The following MDGA2 variants were observed in gnomAD, a reference collection of about 807,000 sequenced individuals.
MDGA2 encodes the protein MAM domain-containing glycosylphosphatidylinositol anchor protein 2.
In MDGA2, 40 loss-of-function variants were observed where a neutral mutation model predicts 117.8. That is an observed-to-expected ratio of 0.34 (90% confidence interval 0.26 to 0.44). The LOEUF (loss-of-function observed/expected upper bound fraction) is 0.44, where lower values mean the gene tolerates loss of function less well. Ranked by LOEUF, MDGA2 falls within the 20% of genes least tolerant of loss-of-function variation. The pLI, the probability that MDGA2 is intolerant of heterozygous loss-of-function variation, is 1.00. For missense variants in MDGA2, 1,123 were observed against 1,250.6 expected, an observed-to-expected ratio of 0.90 and a Z score of 1.54; for synonymous variants, 452 against 439.0, an observed-to-expected ratio of 1.03 and a Z score of -0.37.
intron 1 of MDGA2, among the ~76,000 whole-genome samples, chr14:47,594,731 C>A (rs1294594240): frequency 1.3e-5 from 2 of 152,218 alleles, no homozygotes; most frequent in Non-Finnish European, 2.9e-5. Flanking sequence ...CTAGTTCCCA[C>A]TGCGAGGTGC....
chr14:46,999,070 C>A (rs1010254620), intron 8 of MDGA2, among the ~76,000 whole-genome samples: 6 of 151,982 alleles, frequency 3.9e-5, no homozygotes, highest in Non-Finnish European at 7.4e-5. Context: ...CTCTGGCATA[C>A]ACTGGCTATT....
At chr14:47,083,535 G>C (rs1297293624) in intron 6 of MDGA2, among the ~76,000 whole-genome samples, 1 of 151,842 alleles carries the variant, frequency 6.6e-6, no homozygotes, top group African/African-American at 2.4e-5. Context: ...ACAGAAATAA[G>C]AAACAGAGAA....
At chr14:46,873,716 T>C in intron 13 of MDGA2, 125 bp from the exon 14 acceptor site, 1 of 871,726 alleles carries the variant, frequency 1.1e-6, no homozygotes, top group Non-Finnish European at 1.7e-6. Flanking sequence ...GCATCTCATT[T>C]ATAAAATCTC....
At chr14:47,268,724 G>A (rs778534378) in intron 2 of MDGA2, among the ~76,000 whole-genome samples, 11 of 152,108 alleles carry the variant, frequency 7.2e-5, no homozygotes, top group Non-Finnish European at 1.3e-4. Context: ...GCACAGTTAT[G>A]TCTACCCTGT....
intron 1 of MDGA2, among the ~76,000 whole-genome samples, chr14:47,540,491 CGTGT>C (rs1231981211): frequency 4.3e-4 from 60 of 140,354 alleles, no homozygotes; most frequent in African/African-American, 8.6e-4. Flanking sequence ...TGTGTGTATA[CGTGT>C]GTGTGTTTGT....
intron 1 of MDGA2, among the ~76,000 whole-genome samples, chr14:47,584,217 A>C (rs1896279671): frequency 6.6e-6 from 1 of 151,872 alleles, no homozygotes; most frequent in South Asian, 2.1e-4. Context: ...TTATCTGCAC[A>C]TTGTGCTAGG....
At chr14:47,113,146 C>T (rs1343376284) in intron 5 of MDGA2, among the ~76,000 whole-genome samples, 3 of 151,946 alleles carry the variant, frequency 2.0e-5, no homozygotes. Flanking sequence ...TCCACTGACT[C>T]CACAGAAATA....
chr14:47,038,364 A>G (rs1185479950), intron 7 of MDGA2, among the ~76,000 whole-genome samples: 2 of 152,226 alleles, frequency 1.3e-5, no homozygotes, highest in Non-Finnish European at 2.9e-5. Flanking sequence ...CTAACTTAAT[A>G]AAATGGATAT....
At chr14:46,966,310 A>G (rs1466341989) in intron 8 of MDGA2, among the ~76,000 whole-genome samples, 1 of 152,194 alleles carries the variant, frequency 6.6e-6, no homozygotes, top group Non-Finnish European at 1.5e-5. Context: ...AAAACAGCCT[A>G]TGTCACATTA....
At chr14:47,056,460 A>G (rs1889678844) in intron 7 of MDGA2, among the ~76,000 whole-genome samples, 1 of 152,156 alleles carries the variant, frequency 6.6e-6, no homozygotes, top group African/African-American at 2.4e-5. Context: ...ATTTGGATCC[A>G]CTTTCTGCCT....
At chr14:47,133,732 C>T (rs1209982024) in intron 4 of MDGA2, among the ~76,000 whole-genome samples, 1 of 151,952 alleles carries the variant, frequency 6.6e-6, no homozygotes, top group Non-Finnish European at 1.5e-5. Flanking sequence ...AAACCTACTC[C>T]TCCTTCTGTA....
At chr14:47,080,016 C>T (rs564346040) in intron 6 of MDGA2, among the ~76,000 whole-genome samples, 1 of 152,274 alleles carries the variant, frequency 6.6e-6, no homozygotes, top group South Asian at 2.1e-4. Context: ...CAGGCGTGAG[C>T]CACCGTGCCC....
rs989508435 is a variant in MDGA2 at position 47,174,723 on chromosome 14, A to G, written c.596-30449T>C. On this transcript the variant is annotated intron_variant, in intron 3 of 16. Coordinates refer to ENST00000399232, the MANE Select transcript of MDGA2 (RefSeq NM_001113498.3). ...AAAGATACAAAATTGACACCCTAAC[A>G]TCACAATTAAAAGAGCCAGAAAAGC... 3.9e-5 allele frequency among the ~76,000 whole-genome samples: 6 copies of G among 152,188 alleles called. No homozygotes were observed. The East Asian group carries it at 5.8e-4, about 15-fold the overall frequency.
intron 1 of MDGA2, among the ~76,000 whole-genome samples, chr14:47,671,698 C>T (rs574596256): frequency 1.3e-5 from 2 of 152,260 alleles, no homozygotes; most frequent in East Asian, 3.9e-4. Flanking sequence ...CCTGTCTAGG[C>T]TGTTGAAGTT....
At chr14:47,197,090 CCT>C (rs1200309226) in intron 3 of MDGA2, among the ~76,000 whole-genome samples, 1 of 152,098 alleles carries the variant, frequency 6.6e-6, no homozygotes, top group East Asian at 1.9e-4. Flanking sequence ...AGGTTGATTC[CCT>C]GTCTTTGATA....
At chr14:47,444,307 GCAGCTCTTTTCCCAGCTGTGTAAT>G (rs1207491084) in intron 1 of MDGA2, 2 of 157,648 alleles carry the variant, frequency 1.3e-5, no homozygotes, top group East Asian at 3.6e-4. Context: ...TGAGGGATTC[GCAGCTCTTTTCCCAGCTGTGTAAT>G]CATCAATGAT....
intron 5 of MDGA2, among the ~76,000 whole-genome samples, chr14:47,109,931 C>T (rs1406055160): frequency 1.3e-5 from 2 of 151,870 alleles, no homozygotes; most frequent in African/African-American, 4.8e-5. Flanking sequence ...AGGGAGACAG[C>T]GAGACTTTGT....
intron 3 of MDGA2, among the ~76,000 whole-genome samples, chr14:47,161,267 C>A (rs1440624311): frequency 6.6e-6 from 1 of 151,866 alleles, no homozygotes; most frequent in African/African-American, 2.4e-5. Flanking sequence ...GCATTTTGAG[C>A]TGATTTTCCA....
intron 1 of MDGA2, among the ~76,000 whole-genome samples, chr14:47,343,953 T>C (rs535484280): frequency 1.3e-5 from 2 of 152,294 alleles, no homozygotes; most frequent in African/African-American, 2.4e-5. Flanking sequence ...GGCTCACTGA[T>C]TTATCCTGAC....
Sources: allele counts gnomAD v4.1 joint callset (sites outside exome capture counted in the v4.1 genomes callset), GRCh38; gene constraint gnomAD v4.1.1; transcripts MANE v1.5; gene names NCBI Gene and HGNC (gene_info 2026-07-23, HGNC 2026-07-21).